PARP8: variants seen among roughly 807,000 people sequenced by gnomAD.
The protein encoded by PARP8 is poly(ADP-ribose) polymerase family member 8.
A neutral mutation model predicts 124.1 loss-of-function variants in PARP8; 51 were observed. That is an observed-to-expected ratio of 0.41 (90% CI 0.33 to 0.52). The LOEUF is 0.52. Among genes scored for constraint, PARP8 ranks in the 20% least tolerant of loss-of-function variants. The pLI, the probability that PARP8 is intolerant of heterozygous loss-of-function variation, is 0.21. For synonymous variants in PARP8, 391 were observed against 361.5 expected, an observed-to-expected ratio of 1.08 and a Z score of -0.93; for missense variants, 860 against 1,018.9, an observed-to-expected ratio of 0.84 and a Z score of 2.12.
chr5:50,668,091 A>G lies in PARP8; in HGVS notation c.112A>G (p.Thr38Ala). 6.2e-7 allele frequency: 1 copy of G among 1,611,928 alleles called. No individual in the cohort carries two copies. Among genetic ancestry groups the G allele is most frequent in the South Asian group, 1.1e-5 (1 of 90,992 alleles). Residue 38 changes from threonine to alanine, a missense_variant, in exon 2 of 26, where the codon ACC (threonine) becomes GCC (alanine). Thr to Ala is a moderately conservative substitution (Grantham distance 58, BLOSUM62 0). Around this residue, in one of 2 missense-constraint regions of PARP8, gnomAD observed 517 missense variants for 544.2 expected, o/e 0.95. Coordinates refer to ENST00000281631, the MANE Select transcript of PARP8 (RefSeq NM_024615.4). The stretch of plus-strand genomic sequence containing the variant: ...TTCAGATTTCAGATACTCTGACTCC[A>G]CCTTTACTTTTACCTACGTTGGCGG... ...LFADFRYSDSTFTFTYVGGPR... is the reference protein window; with the variant it reads ...LFADFRYSDSAFTFTYVGGPR...
intron 2 of PARP8, among the ~76,000 whole-genome samples, chr5:50,728,811 T>A (rs1756688246): frequency 6.6e-6 from 1 of 152,128 alleles, no homozygotes; most frequent in Non-Finnish European, 1.5e-5. Context: ...AATTTTGATG[T>A]CACTCTTAAA....
chr5:50,731,578 C>T lies in PARP8; in HGVS notation c.147-18573C>T, dbSNP rs115004335. Among the ~76,000 whole-genome samples the T allele has an allele frequency of 2.0e-3, 297 of 152,252 alleles. 2 individuals are homozygous for T. The highest frequency in any genetic ancestry group is 6.8e-3 in the African/African-American group (281 of 41,524). The stretch of plus-strand genomic sequence containing the variant: ...TTTCCATTGTAAGGATATATTCATC[C>T]TGATCGTAGTATGATGGGAAATGTT... On this transcript the variant is annotated intron_variant, in intron 2 of 25. Coordinates refer to ENST00000281631, the MANE Select transcript of PARP8 (RefSeq NM_024615.4).
chr5:50,742,335 A>G (rs763845876), intron 2 of PARP8, among the ~76,000 whole-genome samples: 8 of 152,186 alleles, frequency 5.3e-5, no homozygotes, highest in Admixed American at 2.0e-4. Flanking sequence ...ATAGATTTCA[A>G]ATTGTGAAAT....
chr5:50,776,891 A>C (rs1470276050), intron 7 of PARP8, among the ~76,000 whole-genome samples: 5 of 152,186 alleles, frequency 3.3e-5, no homozygotes, highest in African/African-American at 9.6e-5. Flanking sequence ...ACAGTTTTAG[A>C]GTTGGACATA....
intron 2 of PARP8, chr5:50,741,806 CTT>C: frequency 1.6e-5 from 7 of 427,530 alleles, no homozygotes; most frequent in Admixed American, 8.1e-5. Context: ...GTTTTCTTTT[CTT>C]TTCTTCTTTT....
intron 2 of PARP8, among the ~76,000 whole-genome samples, chr5:50,745,561 C>G (rs1758453729): frequency 6.6e-6 from 1 of 152,170 alleles, no homozygotes. Context: ...CTCAAAGCTG[C>G]ATTGGACTCC....
chr5:50,713,455 G>A (rs1211859434), intron 2 of PARP8, among the ~76,000 whole-genome samples: 3 of 152,000 alleles, frequency 2.0e-5, no homozygotes, highest in Non-Finnish European at 4.4e-5. Flanking sequence ...TGCCCAGGCT[G>A]ACCTTGAACT....
chr5:50,802,112 G>A (rs908918143), intron 14 of PARP8, among the ~76,000 whole-genome samples: 13 of 152,060 alleles, frequency 8.5e-5, no homozygotes, highest in African/African-American at 2.7e-4. Context: ...CTGCTATTTT[G>A]CAATTCATTT....
chr5:50,687,297 G>C (rs1049025546), intron 2 of PARP8, among the ~76,000 whole-genome samples: 2 of 152,064 alleles, frequency 1.3e-5, no homozygotes, highest in African/African-American at 4.8e-5. Flanking sequence ...AGTCACCTTC[G>C]CTCCAGTCCC....
chr5:50,845,371 A>C lies in PARP8; in HGVS notation c.*3303A>C, dbSNP rs142721955. On this transcript the variant is annotated 3_prime_UTR_variant, in exon 26 of 26. Transcript: ENST00000281631. Reference sequence around the variant, plus strand: ...ATATGTCATGAAGGGGACACTCAACATTGGGTCATCTACCGTCTAAATAAA... The same window carrying C: ...ATATGTCATGAAGGGGACACTCAACCTTGGGTCATCTACCGTCTAAATAAA... 4 of 151,850 alleles carry C rather than the reference A, an allele frequency of 2.6e-5. No individual in the cohort carries two copies. Among genetic ancestry groups the C allele is most frequent in the African/African-American group, 9.6e-5 (4 of 41,500 alleles). 9.4% of individuals were successfully genotyped at this position (151,850 alleles called of 1,614,324 possible). A position where few individuals can be genotyped will look rare whatever the true frequency, so the allele number is the denominator to read the frequency against.
intron 14 of PARP8, among the ~76,000 whole-genome samples, chr5:50,812,194 T>G (rs537155547): frequency 1.3e-5 from 2 of 152,296 alleles, no homozygotes; most frequent in South Asian, 4.1e-4. Flanking sequence ...GTTAAACTAG[T>G]TTACACTCCC....
At chr5:50,781,960 T>C (rs866298283) in intron 9 of PARP8, among the ~76,000 whole-genome samples, 1 of 152,146 alleles carries the variant, frequency 6.6e-6, no homozygotes, top group East Asian at 1.9e-4. Flanking sequence ...TCCGAATACA[T>C]TATTTGCCCC....
At chr5:50,792,811 C>CCA (rs1742113941) in intron 10 of PARP8, among the ~76,000 whole-genome samples, 1 of 151,972 alleles carries the variant, frequency 6.6e-6, no homozygotes, top group Non-Finnish European at 1.5e-5. Flanking sequence ...GCTAAAAGGG[C>CCA]CCCAAAATAA....
At chr5:50,742,029 C>T (rs1398595302) in intron 2 of PARP8, 6 of 285,104 alleles carry the variant, frequency 2.1e-5, no homozygotes. Flanking sequence ...AGGCTGGTCT[C>T]GAACTCTTGA....
chr5:50,699,979 T>G (rs1471479204), intron 2 of PARP8, among the ~76,000 whole-genome samples: 2 of 152,186 alleles, frequency 1.3e-5, no homozygotes, highest in Non-Finnish European at 2.9e-5. Context: ...ATAGCATGAC[T>G]CATGGAACCT....
Position 50,795,186 on chromosome 5 carries a change from A to C in PARP8, c.1197A>C (p.Thr399=), listed in dbSNP as rs1443356720. The C allele has an allele frequency of 6.2e-7, 1 of 1,614,206 alleles. No individual in the cohort carries two copies. The highest frequency in any genetic ancestry group is 1.1e-5 in the South Asian group (1 of 91,086). ...CSGDPRCEHN[T]NLKPHKLLSR... ...GAGATCCACGATGTGAGCACAACACAAACTTGAAGCCCCATAAACTGTTAA... is the reference window on the plus strand; with the variant it reads ...GAGATCCACGATGTGAGCACAACACCAACTTGAAGCCCCATAAACTGTTAA... The change falls in exon 12 of 26, where the codon ACA becomes ACC. Residue 399 remains threonine (T), a synonymous_variant. Coordinates refer to ENST00000281631, the MANE Select transcript of PARP8 (RefSeq NM_024615.4).
intron 14 of PARP8, among the ~76,000 whole-genome samples, chr5:50,811,335 A>G (rs1475908999): frequency 3.3e-5 from 5 of 152,048 alleles, no homozygotes; most frequent in Non-Finnish European, 7.4e-5. Flanking sequence ...AGGCTTTATA[A>G]TAAGCACTGA....
chr5:50,794,297 G>A lies in PARP8; in HGVS notation c.828G>A (p.Val276=), dbSNP rs2149647608. The stretch of plus-strand genomic sequence containing the variant: ...ATAAAAAGTTGTCAGAGAAGAAAGT[G>A]AAGTCTCCCCTGCATTTATTTTCTA... ...LHNKKLSEKK[V]KSPLHLFSTL... is the part of the protein sequence containing the mutation. The change falls in exon 11 of 26, where the codon GTG becomes GTA. Residue 276 remains valine, a synonymous_variant. Coordinates refer to ENST00000281631, the MANE Select transcript of PARP8 (RefSeq NM_024615.4). 1 of 1,613,522 alleles carries A rather than the reference G, an allele frequency of 6.2e-7. No homozygotes were observed. Among genetic ancestry groups the A allele is most frequent in the East Asian group, 2.2e-5 (1 of 44,788 alleles).
chr5:50,840,190 A>G (rs1379303742), intron 25 of PARP8, among the ~76,000 whole-genome samples: 1 of 151,902 alleles, frequency 6.6e-6, no homozygotes, highest in Non-Finnish European at 1.5e-5. Context: ...AATGTTCTCT[A>G]TTCTATTCTA....
Sources: gnomAD v4.1 joint callset for allele counts (sites outside exome capture counted in the v4.1 genomes callset) on GRCh38, gnomAD v4.1.1 for gene constraint, gnomAD v4.1.1 regional missense constraint, MANE v1.5 for transcripts, NCBI Gene and HGNC (gene_info 2026-07-23, HGNC 2026-07-21) for gene names.